The following FAM174B variants were observed in gnomAD, a reference collection of about 807,000 sequenced individuals.
The protein encoded by FAM174B is membrane protein FAM174B.
A neutral mutation model predicts 10.9 loss-of-function variants in FAM174B; 12 were observed. That is an observed-to-expected ratio of 1.10 (90% CI 0.71 to 1.79). FAM174B has a LOEUF of 1.79. FAM174B is among the 40% of genes most tolerant of loss of function. The pLI is 0.00. For synonymous variants in FAM174B, 132 were observed against 115.8 expected (o/e 1.14, Z -0.90); for missense variants, 266 against 233.3 (o/e 1.14, Z -0.91).
intron 1 of FAM174B, among the ~76,000 whole-genome samples, chr15:92,652,855 T>G (rs1496727): frequency 0.59 from 88,932 of 151,806 alleles, 27,455 homozygotes; most frequent in East Asian, 0.77. Flanking sequence ...GGCATTTGGT[T>G]AGCTGACTAA....
chr15:92,638,976 C>T (rs2050873541), intron 1 of FAM174B, among the ~76,000 whole-genome samples: 1 of 152,224 alleles, frequency 6.6e-6, no homozygotes, highest in Non-Finnish European at 1.5e-5. Flanking sequence ...AGCTAATGCA[C>T]ATGTGATCTC....
At chr15:92,624,724 C>A (rs1390810174) in intron 2 of FAM174B, among the ~76,000 whole-genome samples, 2 of 152,250 alleles carry the variant, frequency 1.3e-5, no homozygotes, top group Admixed American at 6.5e-5. Context: ...GTCCACACCC[C>A]CACGGGGCCA....
At chr15:92,642,696 G>T (rs1433608218) in intron 1 of FAM174B, among the ~76,000 whole-genome samples, 3 of 152,184 alleles carry the variant, frequency 2.0e-5, no homozygotes, top group African/African-American at 7.2e-5. Context: ...TGCCATGCAG[G>T]TTTAACTGTG....
At chr15:92,627,099 C>T (rs1166439112) in intron 2 of FAM174B, 2 of 152,190 alleles carry the variant, frequency 1.3e-5, no homozygotes, top group East Asian at 3.9e-4. Context: ...TTGAAGGGCC[C>T]CGCACTATCG....
At chr15:92,653,968 G>A (rs2050984138) in intron 1 of FAM174B, among the ~76,000 whole-genome samples, 1 of 152,192 alleles carries the variant, frequency 6.6e-6, no homozygotes, top group African/African-American at 2.4e-5. Context: ...TGAGGCCAGT[G>A]GGTAGAGTGG....
At chr15:92,637,795 GCTGAAATCCC>G (rs1318000219) in intron 1 of FAM174B, among the ~76,000 whole-genome samples, 2 of 152,326 alleles carry the variant, frequency 1.3e-5, no homozygotes, top group Admixed American at 1.3e-4. Flanking sequence ...CTGTGATGAA[GCTGAAATCCC>G]CTGGGTCCAT....
chr15:92,655,280 G>T (rs984082456), intron 1 of FAM174B, 36 bp downstream of exon 1: 3 of 1,498,708 alleles, frequency 2.0e-6, no homozygotes, highest in East Asian at 2.7e-5. Flanking sequence ...CCGCCCTGTC[G>T]GCCGGCGGGG....
In FAM174B at chr15:92,626,159, C is replaced by A. The variant is rs200894015; in HGVS notation, c.476+4055G>T. 2.1e-3 allele frequency among the ~76,000 whole-genome samples: 315 copies of A among 146,896 alleles called. 2 individuals carry two copies. Among genetic ancestry groups the A allele is most frequent in the East Asian group, 0.019 (93 of 5,026 alleles). Reference sequence around the variant, plus strand: ...TTGAGACCAGGCCGGAGTGCACTGGCGCGATCTTGGCTCACTGCAATCTCT... The same window carrying A: ...TTGAGACCAGGCCGGAGTGCACTGGAGCGATCTTGGCTCACTGCAATCTCT... On this transcript the variant is annotated intron_variant, in intron 2 of 2. Transcript: ENST00000327355.
intron 1 of FAM174B, among the ~76,000 whole-genome samples, chr15:92,637,039 CCT>C (rs1215390435): frequency 1.3e-5 from 2 of 152,248 alleles, no homozygotes; most frequent in African/African-American, 4.8e-5. Flanking sequence ...GCATCTGTAT[CCT>C]CTGTGCCCTG....
At chr15:92,650,397 C>G (rs554842518) in intron 1 of FAM174B, among the ~76,000 whole-genome samples, 222 of 152,280 alleles carry the variant, frequency 1.5e-3, no homozygotes, top group African/African-American at 5.1e-3. Flanking sequence ...CAAAAAGAAG[C>G]CTCCTTTCAG....
In FAM174B at chr15:92,655,752, G is replaced by T. The variant is rs1299696600; in HGVS notation, c.-93C>A. The T allele has an allele frequency of 2.8e-6, 3 of 1,083,432 alleles. No individual in the cohort carries two copies. The East Asian group carries it at 1.2e-4, about 43-fold the overall frequency. 67.1% of individuals were successfully genotyped at this position (1,083,432 alleles called of 1,614,324 possible). A position where few individuals can be genotyped will look rare whatever the true frequency, so the allele number is the denominator to read the frequency against. ...GGAGGCCTGCACCGGGGGATCCTGCGGCGGAGGCGGCTGCGCGGTGCTTGG... is the reference window on the plus strand; with the variant it reads ...GGAGGCCTGCACCGGGGGATCCTGCTGCGGAGGCGGCTGCGCGGTGCTTGG... On this transcript the variant is annotated 5_prime_UTR_variant, in exon 1 of 3. Coordinates refer to ENST00000327355, the MANE Select transcript of FAM174B (RefSeq NM_207446.3).
At chr15:92,646,582 T>G (rs920521026) in intron 1 of FAM174B, among the ~76,000 whole-genome samples, 1 of 152,034 alleles carries the variant, frequency 6.6e-6, no homozygotes, top group Non-Finnish European at 1.5e-5. Flanking sequence ...ATGGGAAGGG[T>G]GGGGGGTTGG....
At chr15:92,622,486 G>A (rs1266018292) in intron 2 of FAM174B, among the ~76,000 whole-genome samples, 1 of 152,236 alleles carries the variant, frequency 6.6e-6, no homozygotes, top group African/African-American at 2.4e-5. Context: ...CAGGGACAGT[G>A]GAGGGGACAA....
chr15:92,621,155 A>G (rs2050716843), intron 2 of FAM174B, among the ~76,000 whole-genome samples: 1 of 152,206 alleles, frequency 6.6e-6, no homozygotes, highest in Non-Finnish European at 1.5e-5. Flanking sequence ...TTTAGTAAAA[A>G]CCATTTGTGT....
chr15:92,646,914 T>A (rs760019003), intron 1 of FAM174B, among the ~76,000 whole-genome samples: 2 of 152,184 alleles, frequency 1.3e-5, no homozygotes, highest in Non-Finnish European at 2.9e-5. Context: ...CATGTCTCCC[T>A]AATATGTATA....
chr15:92,622,899 C>T (rs934882928), intron 2 of FAM174B, among the ~76,000 whole-genome samples: 13 of 152,114 alleles, frequency 8.5e-5, no homozygotes, highest in African/African-American at 2.9e-4. Flanking sequence ...GTACCTCACA[C>T]CTGCCCAGCA....
Position 92,619,324 on chromosome 15 carries a change from G to A in FAM174B, c.*132C>T. 1 of 958,882 alleles carries A rather than the reference G, an allele frequency of 1.0e-6. No homozygotes were observed. The highest frequency in any genetic ancestry group is 1.7e-6 in the Non-Finnish European group (1 of 598,098). 59.4% of individuals were successfully genotyped at this position (958,882 alleles called of 1,614,324 possible). On this transcript the variant is annotated 3_prime_UTR_variant, in exon 3 of 3. Transcript: ENST00000327355. ...GATGCCTGACACGCACGATGGAGCTGGGGTTTTATACATAACGTTCGTTTT... is the reference window on the plus strand; with the variant it reads ...GATGCCTGACACGCACGATGGAGCTAGGGTTTTATACATAACGTTCGTTTT...
At chr15:92,638,539 A>G (rs2050870482) in intron 1 of FAM174B, among the ~76,000 whole-genome samples, 1 of 152,222 alleles carries the variant, frequency 6.6e-6, no homozygotes, top group East Asian at 1.9e-4. Context: ...GACTCAGTTC[A>G]GTTTTGAGTG....
intron 2 of FAM174B, 92 bp downstream of exon 2, chr15:92,630,122 A>C: frequency 1.4e-6 from 2 of 1,387,314 alleles, no homozygotes; most frequent in Non-Finnish European, 2.0e-6. Flanking sequence ...CTTCACTAAA[A>C]AACAAGAACA....
Sources: gnomAD v4.1 joint callset for allele counts (sites outside exome capture counted in the v4.1 genomes callset) on GRCh38, gnomAD v4.1.1 for gene constraint, MANE v1.5 for transcripts, NCBI Gene and HGNC (gene_info 2026-07-23, HGNC 2026-07-21) for gene names.